The following CERT1 variants were observed in gnomAD, a reference collection of about 807,000 sequenced individuals.
CERT1 encodes ceramide transfer protein.
In CERT1, 31 loss-of-function variants were observed where a neutral mutation model predicts 87.9. The observed-to-expected ratio is 0.35, with a 90% CI of 0.27 to 0.48. The LOEUF is 0.48. Among genes scored for constraint, CERT1 ranks in the 20% least tolerant of loss-of-function variants. The pLI, the probability that CERT1 is intolerant of heterozygous loss-of-function variation, is 0.99. For missense variants in CERT1, 487 were observed against 758.0 expected, an observed-to-expected ratio of 0.64 and a Z score of 4.20; for synonymous variants, 289 against 250.9, an observed-to-expected ratio of 1.15 and a Z score of -1.44.
At chr5:75,495,108 A>T (rs1766995758) in intron 2 of CERT1, among the ~76,000 whole-genome samples, 1 of 152,218 alleles carries the variant, frequency 6.6e-6, no homozygotes, top group Admixed American at 6.5e-5. Flanking sequence ...TTGGTTCCGT[A>T]TAATTAATTT....
At chr5:75,434,186 G>GGT (rs1554040080) in intron 3 of CERT1, among the ~76,000 whole-genome samples, 1 of 126,756 alleles carries the variant, frequency 7.9e-6, no homozygotes, top group African/African-American at 2.9e-5. Flanking sequence ...GTTTGTTGAG[G>GGT]TTTTTTTTTT....
chr5:75,380,408 G>C (rs1207466404), intron 16 of CERT1, among the ~76,000 whole-genome samples: 1 of 152,134 alleles, frequency 6.6e-6, no homozygotes, highest in East Asian at 1.9e-4. Flanking sequence ...ATGAGTAAAA[G>C]AACTCTTAAT....
intron 2 of CERT1, among the ~76,000 whole-genome samples, chr5:75,499,400 T>G (rs1356167729): frequency 6.6e-6 from 1 of 152,116 alleles, no homozygotes; most frequent in Admixed American, 6.6e-5. Context: ...GGGAGGGACC[T>G]GTTATGAGGT....
chr5:75,409,619 C>T (rs748888295), intron 8 of CERT1, among the ~76,000 whole-genome samples: 3 of 151,956 alleles, frequency 2.0e-5, no homozygotes, highest in Non-Finnish European at 1.5e-5. Flanking sequence ...CTCTGCCTCC[C>T]GGGTTCAAGT....
chr5:75,372,969 CAGTG>C (rs1277071085), downstream of CERT1: 1 of 152,246 alleles, frequency 6.6e-6, no homozygotes, highest in African/African-American at 2.4e-5. Context: ...ATTTCAACTT[CAGTG>C]AGTACTATTC....
At chr5:75,454,720 G>A (rs572867974) in intron 3 of CERT1, among the ~76,000 whole-genome samples, 6 of 152,290 alleles carry the variant, frequency 3.9e-5, no homozygotes, top group Admixed American at 1.3e-4. Flanking sequence ...AGAAGTTGCC[G>A]AAGAACTCAA....
chr5:75,478,949 G>T (rs1407603386), intron 2 of CERT1, among the ~76,000 whole-genome samples: 1 of 127,770 alleles, frequency 7.8e-6, no homozygotes, highest in African/African-American at 3.0e-5. Flanking sequence ...AGCCACACGC[G>T]TTTGTCAAAA....
intron 3 of CERT1, among the ~76,000 whole-genome samples, chr5:75,448,660 C>T (rs1465454443): frequency 6.6e-6 from 1 of 152,124 alleles, no homozygotes; most frequent in African/African-American, 2.4e-5. Context: ...CCATGTCTCC[C>T]ACCATTACTT....
At chr5:75,509,571 C>A (rs1305214926) in intron 1 of CERT1, among the ~76,000 whole-genome samples, 3 of 152,072 alleles carry the variant, frequency 2.0e-5, no homozygotes, top group African/African-American at 7.2e-5. Flanking sequence ...ATTTTTTTAT[C>A]TATAGTATAC....
intron 1 of CERT1, among the ~76,000 whole-genome samples, chr5:75,510,898 C>T (rs1387302877): frequency 6.6e-6 from 1 of 152,164 alleles, no homozygotes; most frequent in African/African-American, 2.4e-5. Flanking sequence ...GGTTTATACA[C>T]CCTTTCCCTG....
Position 75,511,364 on chromosome 5 carries a change from G to GCGC in CERT1, c.-160_-158dup. ...GGAGGAGGGACGAAGTCCGCCCGCC[G>GCGC]CGCCGCCGCCGCGCCTGACACCGAG... On this transcript the variant is annotated 5_prime_UTR_variant, in exon 1 of 17. Coordinates refer to ENST00000643780, the MANE Select transcript of CERT1 (RefSeq NM_001379029.1). 1 of 1,546,352 alleles carries GCGC rather than the reference G, an allele frequency of 6.5e-7. No individual in the cohort carries two copies. Among genetic ancestry groups the GCGC allele is most frequent in the Non-Finnish European group, 8.7e-7 (1 of 1,146,154 alleles).
At chr5:75,439,997 C>T (rs375130738) in intron 3 of CERT1, among the ~76,000 whole-genome samples, 1 of 152,032 alleles carries the variant, frequency 6.6e-6, no homozygotes, top group African/African-American at 2.4e-5. Flanking sequence ...ATCACTGTAA[C>T]AGACAATTAG....
intron 3 of CERT1, among the ~76,000 whole-genome samples, chr5:75,456,712 C>A (rs1765001514): frequency 6.8e-6 from 1 of 147,868 alleles, no homozygotes; most frequent in Non-Finnish European, 1.5e-5. Flanking sequence ...TACAATGCAT[C>A]ACAACCCTGC....
At chr5:75,499,518 A>G (rs1402178226) in intron 2 of CERT1, among the ~76,000 whole-genome samples, 1 of 152,086 alleles carries the variant, frequency 6.6e-6, no homozygotes, top group Non-Finnish European at 1.5e-5. Context: ...CATGATTGTA[A>G]GTTTCCTGAG....
rs144526303 is a variant in CERT1 at position 75,445,259 on chromosome 5, A to G, written c.348+13806T>C. Among the ~76,000 whole-genome samples, 214 of 152,324 alleles carry G rather than the reference A, an allele frequency of 1.4e-3. 1 individual carries two copies. The highest frequency in any genetic ancestry group is 4.3e-3 in the African/African-American group (178 of 41,586). On this transcript the variant is annotated intron_variant, in intron 3 of 16. Transcript: ENST00000643780. The stretch of plus-strand genomic sequence containing the variant: ...AGCAGAATTACAAACTGTTATTACA[A>G]TAATTCTAATTTTTATACTTGCTCA...
chr5:75,413,287 T>C (rs1029022798), intron 7 of CERT1, among the ~76,000 whole-genome samples: 2 of 152,190 alleles, frequency 1.3e-5, no homozygotes, highest in African/African-American at 4.8e-5. Context: ...ATCACTGAAC[T>C]TAATGGCTAA....
chr5:75,409,788 A>G (rs1323398660), intron 8 of CERT1, among the ~76,000 whole-genome samples: 1 of 150,672 alleles, frequency 6.6e-6, no homozygotes, highest in Non-Finnish European at 1.5e-5. Flanking sequence ...CAGCCTCCCA[A>G]AGTGCTGAGA....
chr5:75,467,125 C>A (rs762802526), intron 2 of CERT1, among the ~76,000 whole-genome samples: 15 of 152,028 alleles, frequency 9.9e-5, no homozygotes, highest in Non-Finnish European at 2.2e-4. Context: ...TACTACCCAG[C>A]AATAAAAAGG....
intron 2 of CERT1, among the ~76,000 whole-genome samples, chr5:75,475,581 A>G (rs1765919066): frequency 1.3e-5 from 2 of 152,154 alleles, no homozygotes; most frequent in Admixed American, 1.3e-4. Flanking sequence ...GGTGAATACC[A>G]CGATTAACAT....
Sources: allele counts gnomAD v4.1 joint callset (sites outside exome capture counted in the v4.1 genomes callset), GRCh38; gene constraint gnomAD v4.1.1; transcripts MANE v1.5; gene names NCBI Gene and HGNC (gene_info 2026-07-23, HGNC 2026-07-21).